EPHB2: variants seen among roughly 807,000 people sequenced by gnomAD.
EPHB2 encodes the protein EPH receptor B2.
In EPHB2, 18 loss-of-function variants were observed where a neutral mutation model predicts 96.4. That is an observed-to-expected ratio of 0.19 (90% CI 0.13 to 0.28). The LOEUF (loss-of-function observed/expected upper bound fraction) is 0.28, where lower values mean the gene tolerates loss of function less well. EPHB2 is among the 10% of genes least tolerant of loss of function. The pLI is 1.00. For missense variants in EPHB2, 989 were observed against 1,355.4 expected, an observed-to-expected ratio of 0.73 and a Z score of 4.25; for synonymous variants, 506 against 534.1, an observed-to-expected ratio of 0.95 and a Z score of 0.72.
intron 3 of EPHB2, among the ~76,000 whole-genome samples, chr1:22,807,795 C>G (rs1192127028): frequency 6.6e-6 from 1 of 152,156 alleles, no homozygotes; most frequent in East Asian, 1.9e-4. Flanking sequence ...TCAAAGAGGA[C>G]AGTGGGGCAA....
intron 1 of EPHB2, among the ~76,000 whole-genome samples, chr1:22,771,367 T>C (rs1435503802): frequency 6.6e-6 from 1 of 152,126 alleles, no homozygotes; most frequent in Non-Finnish European, 1.5e-5. Flanking sequence ...CATGTCTGAG[T>C]GTCCTAGGCA....
intron 3 of EPHB2, among the ~76,000 whole-genome samples, chr1:22,785,563 A>C (rs976633579): frequency 6.6e-6 from 1 of 152,256 alleles, no homozygotes; most frequent in Non-Finnish European, 1.5e-5. Flanking sequence ...ATTGTGGATC[A>C]GCTTGGGACT....
chr1:22,828,608 A>G (rs953242643), intron 3 of EPHB2, among the ~76,000 whole-genome samples: 6 of 152,192 alleles, frequency 3.9e-5, no homozygotes, highest in African/African-American at 1.4e-4. Flanking sequence ...CAGACAACCC[A>G]AGATGACAGG....
At chr1:22,774,223 G>C (rs533882390) in intron 1 of EPHB2, among the ~76,000 whole-genome samples, 2 of 152,286 alleles carry the variant, frequency 1.3e-5, no homozygotes, top group African/African-American at 4.8e-5. Flanking sequence ...GCTCCTGGCC[G>C]GGACCAGCCG....
chr1:22,782,677 G>A (rs1644552214), intron 2 of EPHB2, among the ~76,000 whole-genome samples: 1 of 152,176 alleles, frequency 6.6e-6, no homozygotes, highest in Non-Finnish European at 1.5e-5. Context: ...AGAGAGAGGG[G>A]AGAAAGGCAG....
intron 5 of EPHB2, among the ~76,000 whole-genome samples, chr1:22,880,085 A>G (rs139897422): frequency 1.0e-3 from 153 of 152,176 alleles, no homozygotes; most frequent in African/African-American, 3.4e-3. Context: ...AAGGACTGGC[A>G]GGGAACATTG....
chr1:22,849,106 G>T (rs1645585745), intron 3 of EPHB2, among the ~76,000 whole-genome samples: 1 of 152,122 alleles, frequency 6.6e-6, no homozygotes, highest in Non-Finnish European at 1.5e-5. Flanking sequence ...GAGCAAATGG[G>T]TATTAAGTCT....
chr1:22,889,847 A>G (rs1639336988), intron 6 of EPHB2, among the ~76,000 whole-genome samples: 1 of 152,388 alleles, frequency 6.6e-6, no homozygotes, highest in African/African-American at 2.4e-5. Flanking sequence ...TTTTAAAAAT[A>G]AATGTTTTAG....
intron 9 of EPHB2, among the ~76,000 whole-genome samples, chr1:22,904,779 A>G (rs1008982279): frequency 6.6e-6 from 1 of 152,192 alleles, no homozygotes; most frequent in Non-Finnish European, 1.5e-5. Context: ...CAATTCGCCA[A>G]CCCCTATATT....
intron 14 of EPHB2, among the ~76,000 whole-genome samples, chr1:22,911,424 C>T (rs1389869803): frequency 1.3e-5 from 2 of 152,174 alleles, no homozygotes; most frequent in African/African-American, 4.8e-5. Flanking sequence ...GGCACCTGCA[C>T]ACACACACCC....
intron 3 of EPHB2, among the ~76,000 whole-genome samples, chr1:22,811,519 G>C (rs12035865): frequency 6.6e-6 from 1 of 152,120 alleles, no homozygotes; most frequent in African/African-American, 2.4e-5. Context: ...AAAGATAATT[G>C]CCTGGGCACT....
intron 3 of EPHB2, among the ~76,000 whole-genome samples, chr1:22,851,197 T>G (rs1025544893): frequency 9.9e-5 from 15 of 152,156 alleles, no homozygotes; most frequent in Admixed American, 9.8e-4. Context: ...AAGGTCTCAC[T>G]ATGTTGCTCA....
intron 3 of EPHB2, among the ~76,000 whole-genome samples, chr1:22,816,887 G>A (rs920574538): frequency 2.6e-5 from 4 of 152,212 alleles, no homozygotes; most frequent in African/African-American, 7.2e-5. Context: ...TGGCCAGGAC[G>A]TCGACCACTA....
intron 13 of EPHB2, 95 bp from the exon 14 acceptor site, chr1:22,910,287 A>G (rs1469130652): frequency 6.6e-7 from 1 of 1,512,932 alleles, no homozygotes; most frequent in East Asian, 2.3e-5. Context: ...TAAATAGGTC[A>G]GACGTGCAAT....
intron 3 of EPHB2, among the ~76,000 whole-genome samples, chr1:22,861,853 CT>C (rs1447146398): frequency 6.6e-6 from 1 of 152,180 alleles, no homozygotes; most frequent in Non-Finnish European, 1.5e-5. Flanking sequence ...TCCAGAGAAG[CT>C]GAGTCACTTG....
At chr1:22,744,621 G>A (rs1570193795) in intron 1 of EPHB2, among the ~76,000 whole-genome samples, 1 of 140,112 alleles carries the variant, frequency 7.1e-6, no homozygotes, top group African/African-American at 2.6e-5. Flanking sequence ...TGAGGCTGCA[G>A]TGAGTTATGA....
chr1:22,776,582 T>A (rs539687843), intron 1 of EPHB2, among the ~76,000 whole-genome samples: 5 of 152,352 alleles, frequency 3.3e-5, no homozygotes, highest in Admixed American at 3.3e-4. Context: ...GAAATGATGT[T>A]CCGTACTTTG....
At chr1:22,754,840 G>A (rs1452395720) in intron 1 of EPHB2, among the ~76,000 whole-genome samples, 7 of 145,210 alleles carry the variant, frequency 4.8e-5, no homozygotes, top group South Asian at 2.2e-4. Context: ...GGCAGGGGAG[G>A]GGAGGTGAGG....
At chr1:22,865,676 A>G (rs930204973) in intron 5 of EPHB2, among the ~76,000 whole-genome samples, 2 of 152,190 alleles carry the variant, frequency 1.3e-5, no homozygotes, top group Non-Finnish European at 2.9e-5. Flanking sequence ...ACAGGGCAGC[A>G]ATGATGTTTG....
Sources: gnomAD v4.1 joint callset for allele counts (sites outside exome capture counted in the v4.1 genomes callset) on GRCh38, gnomAD v4.1.1 for gene constraint, MANE v1.5 for transcripts, NCBI Gene and HGNC (gene_info 2026-07-23, HGNC 2026-07-21) for gene names.